PPTC7: variants seen among roughly 807,000 people sequenced by gnomAD.
PPTC7 encodes the protein protein phosphatase targeting COQ7, also known as protein phosphatase PTC7 homolog.
PPTC7 carries 6 observed loss-of-function variants against 30.8 expected under a neutral mutation model. That is an observed-to-expected ratio of 0.19 (90% CI 0.11 to 0.38). The LOEUF is 0.38. Among genes scored for constraint, PPTC7 ranks in the 10% least tolerant of loss-of-function variants. The pLI, the probability that PPTC7 is intolerant of heterozygous loss-of-function variation, is 1.00. For missense variants in PPTC7, 218 were observed against 404.8 expected (o/e 0.54, Z 3.96); for synonymous variants, 163 against 168.1 (o/e 0.97, Z 0.23).
intron 1 of PPTC7, among the ~76,000 whole-genome samples, chr12:110,553,694 G>C (rs1286543352): frequency 6.6e-6 from 1 of 152,146 alleles, no homozygotes; most frequent in Non-Finnish European, 1.5e-5. Flanking sequence ...CGGGAGGACT[G>C]CTTGAGCCCC....
rs781687652 is a variant in PPTC7 at position 110,546,120 on chromosome 12, C to G, written c.404-42G>C. On this transcript the variant is annotated intron_variant, in intron 2 of 5. Transcript: ENST00000354300. ...TCTCCATTTATTTTTTCTTCCTAGG[C>G]TGCCTTTGCACACACATTTTAACAC... The G allele has an allele frequency of 6.4e-6, 10 of 1,552,374 alleles. No homozygotes were observed. In the Admixed American group the frequency reaches 1.1e-4, roughly 17 times the overall value.
intron 1 of PPTC7, among the ~76,000 whole-genome samples, chr12:110,558,768 C>T (rs527871221): frequency 6.3e-4 from 95 of 151,898 alleles, no homozygotes; most frequent in Non-Finnish European, 1.1e-3. Flanking sequence ...TACCACGCTC[C>T]GCTAATTTTT....
chr12:110,573,572 GAGGGAACC>G (rs2064557992), intron 1 of PPTC7, among the ~76,000 whole-genome samples: 1 of 152,194 alleles, frequency 6.6e-6, no homozygotes. Context: ...ACAAAGGCTA[GAGGGAACC>G]ACAATGACTA....
intron 1 of PPTC7, among the ~76,000 whole-genome samples, chr12:110,553,194 G>C (rs1421642339): frequency 3.3e-5 from 5 of 149,342 alleles, no homozygotes; most frequent in Non-Finnish European, 7.4e-5. Flanking sequence ...TCTGTCACCA[G>C]GCTGGAGCAG....
Position 110,582,669 on chromosome 12 carries a change from G to C in PPTC7, c.223+140C>G, listed in dbSNP as rs1041744003. On this transcript the variant is annotated intron_variant, in intron 1 of 5. Coordinates refer to ENST00000354300, the MANE Select transcript of PPTC7 (RefSeq NM_139283.2). ...CGCGCCTCGGAGCGCTTGGCACGGC[G>C]CCTGGCGCATAGTAAGCGCTCCCTC... 1.1e-4 allele frequency: 77 copies of C among 710,340 alleles called. No individual in the cohort carries two copies. The African/African-American group carries it at 1.2e-3, about 11-fold the overall frequency. 44.0% of individuals were successfully genotyped at this position (710,340 alleles called of 1,614,324 possible). A position where few individuals can be genotyped will look rare whatever the true frequency, so the allele number is the denominator to read the frequency against.
At chr12:110,550,223 A>ATTT (rs796973487) in intron 2 of PPTC7, among the ~76,000 whole-genome samples, 50 of 102,998 alleles carry the variant, frequency 4.9e-4, no homozygotes, top group East Asian at 1.7e-3. Context: ...ACAGGGGCTG[A>ATTT]TTTTTTTTTT....
intron 2 of PPTC7, among the ~76,000 whole-genome samples, chr12:110,548,499 G>A (rs1413819320): frequency 1.3e-5 from 2 of 152,100 alleles, no homozygotes; most frequent in Non-Finnish European, 2.9e-5. Flanking sequence ...CAGATAACCC[G>A]CTCCATAGCT....
chr12:110,563,352 T>C (rs1401365917), intron 1 of PPTC7, among the ~76,000 whole-genome samples: 2 of 151,336 alleles, frequency 1.3e-5, no homozygotes, highest in African/African-American at 4.9e-5. Context: ...TGAGGTGGCT[T>C]ACGCCTGTAA....
At chr12:110,540,424 C>T (rs1017853673) in intron 3 of PPTC7, among the ~76,000 whole-genome samples, 6 of 146,964 alleles carry the variant, frequency 4.1e-5, no homozygotes, top group African/African-American at 1.0e-4. Flanking sequence ...TGGGTTCAAG[C>T]GATTCTCCTG....
At chr12:110,581,918 A>C (rs1319915246) in intron 1 of PPTC7, among the ~76,000 whole-genome samples, 1 of 152,206 alleles carries the variant, frequency 6.6e-6, no homozygotes, top group Admixed American at 6.5e-5. Context: ...TATTCATTCA[A>C]AGAGTTTTAA....
At position 110,551,437 on chromosome 12, in the gene PPTC7, C is replaced by T. The variant is rs2064348971; in HGVS notation, c.403+352G>A. Among the ~76,000 whole-genome samples, 3 of 152,296 alleles carry T rather than the reference C, an allele frequency of 2.0e-5. No homozygotes were observed. In the South Asian group the frequency reaches 6.2e-4, roughly 32 times the overall value. On this transcript the variant is annotated intron_variant, in intron 2 of 5. Transcript: ENST00000354300. ...CTCGGCACACCGCAACATCCACCTCCCGGGGTTCAAGTGATTCTCCTGCCT... is the reference window on the plus strand; with the variant it reads ...CTCGGCACACCGCAACATCCACCTCTCGGGGTTCAAGTGATTCTCCTGCCT...
chr12:110,568,719 A>C lies in PPTC7; in HGVS notation c.223+14090T>G, dbSNP rs578059396. On this transcript the variant is annotated intron_variant, in intron 1 of 5. Coordinates refer to ENST00000354300, the MANE Select transcript of PPTC7 (RefSeq NM_139283.2). ...ATTCAGCTGACCACACTGAAAAGTT[A>C]GAACACCAATATCTGGTATACAAAC... Among the ~76,000 whole-genome samples the C allele has an allele frequency of 2.6e-5, 4 of 152,384 alleles. No homozygotes were observed. The South Asian group carries it at 8.3e-4, about 32-fold the overall frequency.
At position 110,534,480 on chromosome 12, in the gene PPTC7, G is replaced by GT. The variant is rs1240503491; in HGVS notation, c.*2556dup. The GT allele has an allele frequency of 2.6e-5, 4 of 151,934 alleles. No individual in the cohort carries two copies. Among genetic ancestry groups the GT allele is most frequent in the Non-Finnish European group, 5.9e-5 (4 of 68,000 alleles). The allele number at this position is 151,934 out of a possible 1,614,324, so 9.4% of individuals were successfully genotyped here. On this transcript the variant is annotated 3_prime_UTR_variant, in exon 6 of 6. Coordinates refer to ENST00000354300, the MANE Select transcript of PPTC7 (RefSeq NM_139283.2). ...CAGACCCACCAAGTGGTACAGCACAGTAACAACCCATGGAAGCTTGGGTCT... is the reference window on the plus strand; with the variant it reads ...CAGACCCACCAAGTGGTACAGCACAGTTAACAACCCATGGAAGCTTGGGTCT...
chr12:110,557,772 G>A lies in PPTC7; in HGVS notation c.224-5804C>T, dbSNP rs531229345. 6.6e-5 allele frequency among the ~76,000 whole-genome samples: 10 copies of A among 152,276 alleles called. No individual in the cohort carries two copies. The East Asian group carries it at 1.5e-3, about 23-fold the overall frequency. On this transcript the variant is annotated intron_variant, in intron 1 of 5. Transcript: ENST00000354300. ...TGAGACTAGGTAATTTATAAAAGACGGAGGTTTAATTGAGTCACAGTTCTG... is the reference window on the plus strand; with the variant it reads ...TGAGACTAGGTAATTTATAAAAGACAGAGGTTTAATTGAGTCACAGTTCTG...
At chr12:110,565,583 A>G (rs1379807576) in intron 1 of PPTC7, among the ~76,000 whole-genome samples, 1 of 152,220 alleles carries the variant, frequency 6.6e-6, no homozygotes, top group Non-Finnish European at 1.5e-5. Flanking sequence ...AGCAATGAGT[A>G]ATGTTACTTT....
chr12:110,541,573 G>T (rs544177330), intron 3 of PPTC7, among the ~76,000 whole-genome samples: 1 of 151,248 alleles, frequency 6.6e-6, no homozygotes, highest in African/African-American at 2.4e-5. Flanking sequence ...GGTGGCACAC[G>T]CCTGTAATCC....
intron 2 of PPTC7, among the ~76,000 whole-genome samples, chr12:110,548,496 C>G (rs2064327135): frequency 6.6e-6 from 1 of 152,168 alleles, no homozygotes. Context: ...TGTCAGATAA[C>G]CCGCTCCATA....
chr12:110,564,065 C>A (rs2064460405), intron 1 of PPTC7, among the ~76,000 whole-genome samples: 2 of 152,236 alleles, frequency 1.3e-5, no homozygotes, highest in South Asian at 4.1e-4. Context: ...AAATTACAAA[C>A]TTGGTATGAA....
chr12:110,534,701 T>A lies in PPTC7; in HGVS notation c.*2336A>T, dbSNP rs1392632227. On this transcript the variant is annotated 3_prime_UTR_variant, in exon 6 of 6. Coordinates refer to ENST00000354300, the MANE Select transcript of PPTC7 (RefSeq NM_139283.2). ...AGGCCAGATCCAAAGCCAATTCCAC[T>A]GTGAAACTCAATTCTTGCCCCCACT... is the stretch of plus-strand genomic sequence containing the variant. The A allele has an allele frequency of 6.6e-6, 1 of 152,134 alleles. No individual in the cohort carries two copies. Among genetic ancestry groups the A allele is most frequent in the Non-Finnish European group, 1.5e-5 (1 of 68,046 alleles). 9.4% of individuals were successfully genotyped at this position (152,134 alleles called of 1,614,324 possible).
Sources: gnomAD v4.1 joint callset for allele counts (sites outside exome capture counted in the v4.1 genomes callset) on GRCh38, gnomAD v4.1.1 for gene constraint, MANE v1.5 for transcripts, NCBI Gene and HGNC (gene_info 2026-07-23, HGNC 2026-07-21) for gene names.